PPP1R37: variants seen among roughly 807,000 people sequenced by gnomAD.
PPP1R37 encodes leucine rich repeat containing 68.
A neutral mutation model predicts 61.0 loss-of-function variants in PPP1R37; 21 were observed. The observed-to-expected ratio is 0.34, with a 90% CI of 0.24 to 0.50. The LOEUF (loss-of-function observed/expected upper bound fraction) is 0.50. Ranked by LOEUF, PPP1R37 falls within the 20% of genes least tolerant of loss-of-function variation. The probability of loss-of-function intolerance (pLI) is 0.98; values close to 1 mark genes in which losing one functional copy is unlikely to be tolerated. For missense variants in PPP1R37, 910 were observed against 952.7 expected (o/e 0.96, Z 0.59); for synonymous variants, 443 against 433.5 (o/e 1.02, Z -0.27).
chr19:45,144,965 G>T lies in PPP1R37; in HGVS notation c.1099G>T (p.Gly367Trp), dbSNP rs1354640628. 6.5e-7 allele frequency: 1 copy of T among 1,535,332 alleles called. No individual in the cohort carries two copies. Among genetic ancestry groups the T allele is most frequent in the South Asian group, 1.2e-5 (1 of 83,904 alleles). Residue 367 changes from glycine (G) to tryptophan (W), a missense_variant, in exon 9 of 13, where the codon GGG (glycine) becomes TGG (tryptophan). Coordinates refer to ENST00000221462, the MANE Select transcript of PPP1R37 (RefSeq NM_019121.2). ...CAGCAACCGCAGCGTGCTGCGCCTCGGGCTGGCCTCCACCAAGCTCACGTG... is the reference window on the plus strand; with the variant it reads ...CAGCAACCGCAGCGTGCTGCGCCTCTGGCTGGCCTCCACCAAGCTCACGTG... ...LISNRSVLRLGLASTKLTCEG... is the reference protein window; with the variant it reads ...LISNRSVLRLWLASTKLTCEG...
At chr19:45,118,918 C>T (rs796227101) in intron 1 of PPP1R37, among the ~76,000 whole-genome samples, 43 of 152,006 alleles carry the variant, frequency 2.8e-4, no homozygotes, top group African/African-American at 8.4e-4. Context: ...CACCTGCCGC[C>T]TCTGGGTTCC....
intron 1 of PPP1R37, among the ~76,000 whole-genome samples, chr19:45,118,381 G>A (rs1968297315): frequency 6.6e-6 from 1 of 152,200 alleles, no homozygotes; most frequent in Non-Finnish European, 1.5e-5. Context: ...TCATTTAGGA[G>A]GCTGACTCTG....
In PPP1R37 at chr19:45,107,153, G is replaced by C. The variant is rs1043244957; in HGVS notation, c.202+13626G>C. Among the ~76,000 whole-genome samples, 3 of 151,764 alleles carry C rather than the reference G, an allele frequency of 2.0e-5. No individual in the cohort carries two copies. In the East Asian group the frequency reaches 5.8e-4, roughly 29 times the overall value. On this transcript the variant is annotated intron_variant, in intron 1 of 12. Transcript: ENST00000221462. ...CTTTTTATGTGCTTGCTGAACACTT[G>C]TGTATCTTCTTTGGAGAAATGTCTT...
Position 45,145,526 on chromosome 19 carries a change from T to C in PPP1R37, c.1470T>C (p.Ala490=). 9 of 1,533,944 alleles carry C rather than the reference T, an allele frequency of 5.9e-6. No individual in the cohort carries two copies. The highest frequency in any genetic ancestry group is 7.9e-6 in the Non-Finnish European group (9 of 1,145,980). ...CCCAGCCCGACGACGAGCCCGCCGC[T>C]GGGGTGCAGAACGGGGCCCCCAGCC... ...TEPQPDDEPA[A]GVQNGAPSPA... Residue 490 remains alanine (A), a synonymous_variant, in exon 11 of 13, where the codon GCT becomes GCC. Transcript: ENST00000221462.
intron 1 of PPP1R37, among the ~76,000 whole-genome samples, chr19:45,122,287 C>T (rs1428588692): frequency 6.6e-6 from 1 of 152,184 alleles, no homozygotes; most frequent in Non-Finnish European, 1.5e-5. Context: ...AAAAGCCTGC[C>T]ATAGACAAGA....
At position 45,145,740 on chromosome 19, in the gene PPP1R37, C is replaced by T. The variant is rs1388797421; in HGVS notation, c.1684C>T (p.Pro562Ser). The change falls in exon 11 of 13, where the codon CCG (proline) becomes TCG (serine). Residue 562 changes from proline to serine, a missense_variant. Pro to Ser is a moderately conservative substitution (Grantham distance 74). Transcript: ENST00000221462. ...PTEQRISVSS[P>S]GRGHKVFVVT... ...CGAGCAGCGGATTTCCGTGTCCAGC[C>T]CGGGCCGGGGCCACAAGGTGTTTGT... 6.5e-7 allele frequency: 1 copy of T among 1,530,210 alleles called. No individual in the cohort carries two copies. The highest frequency in any genetic ancestry group is 8.7e-7 in the Non-Finnish European group (1 of 1,144,220). The allele number at this position is 1,530,210 out of a possible 1,614,324, so 94.8% of individuals were successfully genotyped here. A position where few individuals can be genotyped will look rare whatever the true frequency, so the allele number is the denominator to read the frequency against.
At chr19:45,141,923 G>C in intron 5 of PPP1R37, 138 bp from the exon 6 acceptor site, 1 of 975,152 alleles carries the variant, frequency 1.0e-6, no homozygotes, top group Non-Finnish European at 1.5e-6. Flanking sequence ...ATAGCCAGAC[G>C]ACAGCTGTGG....
intron 8 of PPP1R37, 40 bp downstream of exon 8, chr19:45,143,673 C>G (rs1319837852): frequency 3.3e-6 from 4 of 1,214,850 alleles, no homozygotes; most frequent in Non-Finnish European, 4.7e-6. Context: ...CCTCGGTCCC[C>G]GCTGCCACCT....
rs1198661591 is a variant in PPP1R37 at position 45,140,245 on chromosome 19, G to A, written c.310G>A (p.Asp104Asn). The change falls in exon 3 of 13, where the codon GAC becomes AAC. Residue 104 changes from aspartate to asparagine, a missense_variant. Physicochemically the swap from Asp to Asn is conservative, Grantham distance 23 (BLOSUM62 1). This residue lies in a region of PPP1R37 where 280 missense variants were observed against 382.2 expected (regional missense o/e 0.73). Transcript: ENST00000221462. The part of the protein sequence containing the change: ...KLLRQLQEFT[D>N]LGHRLDCLDL... ...CACTCTACTTTCTCAGGAATTCACA[G>A]ACCTCGGGCACCGCCTCGACTGTCT... 6.5e-7 allele frequency: 1 copy of A among 1,536,096 alleles called. No individual in the cohort carries two copies. The highest frequency in any genetic ancestry group is 2.4e-5 in the East Asian group (1 of 40,924).
intron 1 of PPP1R37, among the ~76,000 whole-genome samples, chr19:45,098,818 G>A (rs925460323): frequency 2.0e-5 from 3 of 152,102 alleles, no homozygotes; most frequent in Admixed American, 1.3e-4. Context: ...CATTCGTGGT[G>A]GAGCTGCTGG....
intron 2 of PPP1R37, 113 bp from the exon 3 acceptor site, chr19:45,140,123 G>A (rs1453661056): frequency 7.5e-6 from 7 of 927,560 alleles, no homozygotes; most frequent in East Asian, 2.6e-5. Context: ...CAGTGCCTTC[G>A]CCCAAACCCC....
At position 45,118,868 on chromosome 19, in the gene PPP1R37, C is replaced by T. The variant is rs374280820; in HGVS notation, c.203-19646C>T. On this transcript the variant is annotated intron_variant, in intron 1 of 12. Transcript: ENST00000221462. ...GGCTGGGCTTTATAACTAATTCTGTCGTGAGAGACTGGCCTTGGTGCCAGA... is the reference window on the plus strand; with the variant it reads ...GGCTGGGCTTTATAACTAATTCTGTTGTGAGAGACTGGCCTTGGTGCCAGA... Among the ~76,000 whole-genome samples the T allele has an allele frequency of 2.3e-3, 347 of 152,266 alleles. 1 individual carries two copies. Among genetic ancestry groups the T allele is most frequent in the African/African-American group, 7.6e-3 (315 of 41,558 alleles).
In PPP1R37 at chr19:45,120,742, A is replaced by G. The variant is rs1361518516; in HGVS notation, c.203-17772A>G. The stretch of plus-strand genomic sequence containing the variant: ...GGTTCAAGCGATTCTCCTCCCAAGT[A>G]GCTGGGATTATAGGCACCCGCTACC... On this transcript the variant is annotated intron_variant, in intron 1 of 12. Coordinates refer to ENST00000221462, the MANE Select transcript of PPP1R37 (RefSeq NM_019121.2). 8.5e-5 allele frequency among the ~76,000 whole-genome samples: 13 copies of G among 152,058 alleles called. No homozygotes were observed. In the East Asian group the frequency reaches 2.5e-3, roughly 29 times the overall value.
At chr19:45,128,159 C>T (rs538129602) in intron 1 of PPP1R37, among the ~76,000 whole-genome samples, 26 of 152,242 alleles carry the variant, frequency 1.7e-4, no homozygotes, top group African/African-American at 5.8e-4. Context: ...TCCCTGTCCT[C>T]CTTTGGCTTT....
chr19:45,093,253 GGGCGGA>G lies in PPP1R37; in HGVS notation c.-72_-67del. On this transcript the variant is annotated 5_prime_UTR_variant, in exon 1 of 13. Transcript: ENST00000221462. Reference sequence around the variant, plus strand: ...GGCGGAGCCCATGCCCCGGGACGGCGGGCGGACCCGGAGAGACAAATCCGGGGCCCG... The same window carrying G: ...GGCGGAGCCCATGCCCCGGGACGGCGCCCGGAGAGACAAATCCGGGGCCCG... 8.3e-7 allele frequency: 1 copy of G among 1,201,832 alleles called. No homozygotes were observed. Among genetic ancestry groups the G allele is most frequent in the Non-Finnish European group, 1.1e-6 (1 of 931,316 alleles). The allele number at this position is 1,201,832 out of a possible 1,614,324, so 74.4% of individuals were successfully genotyped here.
At chr19:45,123,722 C>T (rs1391181497) in intron 1 of PPP1R37, among the ~76,000 whole-genome samples, 1 of 152,220 alleles carries the variant, frequency 6.6e-6, no homozygotes, top group Non-Finnish European at 1.5e-5. Flanking sequence ...TAAAGAGCTG[C>T]TCGCACCATT....
chr19:45,142,088 C>G lies in PPP1R37; in HGVS notation c.595C>G (p.Arg199Gly), dbSNP rs746945972. 1 of 1,528,346 alleles carries G rather than the reference C, an allele frequency of 6.5e-7. No individual in the cohort carries two copies. Among genetic ancestry groups the G allele is most frequent in the South Asian group, 1.2e-5 (1 of 83,466 alleles). 94.7% of individuals were successfully genotyped at this position (1,528,346 alleles called of 1,614,324 possible). The change falls in exon 6 of 13, where the codon CGC becomes GGC. Residue 199 changes from arginine (R) to glycine (G), a missense_variant. Transcript: ENST00000221462. The stretch of plus-strand genomic sequence containing the variant: ...GAGCTGCCTGCAGTATCTGGACGCC[C>G]GCAACACGCCCCTGCTGGACCACTC... ...KTSCLQYLDA[R>G]NTPLLDHSAP...
chr19:45,095,426 C>T (rs541738063), intron 1 of PPP1R37, among the ~76,000 whole-genome samples: 6 of 152,202 alleles, frequency 3.9e-5, no homozygotes, highest in African/African-American at 1.2e-4. Flanking sequence ...CATGAGCCAC[C>T]GTGCCCGGCT....
At chr19:45,140,749 CAAG>C in intron 4 of PPP1R37, 143 bp downstream of exon 4, 1 of 632,372 alleles carries the variant, frequency 1.6e-6, no homozygotes. Context: ...TCTTGCAGGG[CAAG>C]AGGGAGACAT....
Sources: gnomAD v4.1 joint callset for allele counts (sites outside exome capture counted in the v4.1 genomes callset) on GRCh38, gnomAD v4.1.1 for gene constraint, gnomAD v4.1.1 regional missense constraint, MANE v1.5 for transcripts, NCBI Gene and HGNC (gene_info 2026-07-23, HGNC 2026-07-21) for gene names.